Variants in UTRN observed in about 807,000 individuals in gnomAD.
UTRN encodes the protein dystrophin-related protein 1.
A neutral mutation model predicts 463.9 loss-of-function variants in UTRN; 283 were observed. The ratio of observed to expected loss-of-function variants is 0.61; its 90% confidence interval spans 0.55 to 0.67. UTRN has a LOEUF of 0.67. Among genes scored for constraint, UTRN ranks in the 30% least tolerant of loss-of-function variants. The pLI is 0.00. For missense variants in UTRN, 3,922 were observed against 4,084.3 expected, an observed-to-expected ratio of 0.96 and a Z score of 1.08; for synonymous variants, 1,442 against 1,431.5, an observed-to-expected ratio of 1.01 and a Z score of -0.17.
At position 144,836,439 on chromosome 6, in the gene UTRN, C is replaced by T; in HGVS notation, c.9963C>T (p.Leu3321=). 1.2e-6 allele frequency: 2 copies of T among 1,612,976 alleles called. No individual in the cohort carries two copies. Among genetic ancestry groups the T allele is most frequent in the Non-Finnish European group, 1.7e-6 (2 of 1,179,336 alleles). The change falls in exon 71 of 75, where the codon CTC becomes CTT. Residue 3321 remains leucine (L), a synonymous_variant. Coordinates refer to ENST00000367545, the MANE Select transcript of UTRN (RefSeq NM_007124.3). ...AACTTATAGCAGAAGCAAAACTCCTCAGGCAGCACAAAGGTCGGCTGGAGG... is the reference window on the plus strand; with the variant it reads ...AACTTATAGCAGAAGCAAAACTCCTTAGGCAGCACAAAGGTCGGCTGGAGG... ...DSELIAEAKL[L]RQHKGRLEAR... is the part of the protein sequence containing the mutation.
chr6:144,540,961 C>T lies in UTRN; in HGVS notation c.6519+1518C>T, dbSNP rs907103740. ...TTTTCTTAGGTCAAAAAATATCATA[C>T]ATTTGACTGCTTCTTACAACCCCCA... On this transcript the variant is annotated intron_variant, in intron 45 of 74. Transcript: ENST00000367545. Among the ~76,000 whole-genome samples the T allele has an allele frequency of 2.6e-5, 4 of 152,188 alleles. No homozygotes were observed. The East Asian group carries it at 7.7e-4, about 29-fold the overall frequency.
intron 2 of UTRN, among the ~76,000 whole-genome samples, chr6:144,310,614 A>C (rs1806167157): frequency 6.9e-6 from 1 of 145,498 alleles, no homozygotes; most frequent in Admixed American, 6.9e-5. Context: ...AGGTGGGGAG[A>C]CAGGGATCAC....
chr6:144,333,267 G>A (rs1038293220), intron 2 of UTRN: 5 of 152,078 alleles, frequency 3.3e-5, no homozygotes, highest in African/African-American at 1.2e-4. Flanking sequence ...ATTCAATACA[G>A]TCTTCCCATA....
intron 53 of UTRN, chr6:144,708,520 G>A: frequency 2.6e-6 from 1 of 391,866 alleles, no homozygotes; most frequent in Non-Finnish European, 4.8e-6. Flanking sequence ...AGAGGTCCTG[G>A]TATAGAAAAA....
intron 58 of UTRN, among the ~76,000 whole-genome samples, chr6:144,763,351 G>A (rs996408879): frequency 6.6e-6 from 1 of 151,768 alleles, no homozygotes; most frequent in Non-Finnish European, 1.5e-5. Flanking sequence ...TTCCATTCTT[G>A]TGCCCATTAT....
intron 51 of UTRN, among the ~76,000 whole-genome samples, chr6:144,629,650 T>C (rs374319517): frequency 1.3e-5 from 2 of 152,362 alleles, no homozygotes; most frequent in East Asian, 1.9e-4. Context: ...TTAAGCATTG[T>C]TGGATTGTTC....
At position 144,429,778 on chromosome 6, in the gene UTRN, G is replaced by A. The variant is rs143859195; in HGVS notation, c.855+37G>A. 1.2e-3 allele frequency: 1,839 copies of A among 1,590,912 alleles called. 9 individuals carry two copies. In the East Asian group the frequency reaches 0.014, roughly 12 times the overall value. ...ATTTTATTAAGATGTTTGGCTTGCC[G>A]TATTTGTTTTCTCCTAGGTACTAGA... is the stretch of plus-strand genomic sequence containing the variant. On this transcript the variant is annotated intron_variant, in intron 9 of 74. Coordinates refer to ENST00000367545, the MANE Select transcript of UTRN (RefSeq NM_007124.3).
At chr6:144,734,426 C>A (rs77366776) in intron 54 of UTRN, among the ~76,000 whole-genome samples, 3,735 of 152,244 alleles carry the variant, frequency 0.025, 148 homozygotes, top group African/African-American at 0.084. Flanking sequence ...AATGAGCACT[C>A]AACATTTACG....
chr6:144,560,450 C>A (rs901727372), intron 50 of UTRN, among the ~76,000 whole-genome samples: 5 of 152,072 alleles, frequency 3.3e-5, no homozygotes, highest in Non-Finnish European at 7.4e-5. Context: ...CACTCCAGTA[C>A]GTGGCCATCA....
intron 53 of UTRN, among the ~76,000 whole-genome samples, chr6:144,724,886 C>G (rs748143081): frequency 6.6e-6 from 1 of 152,126 alleles, no homozygotes; most frequent in African/African-American, 2.4e-5. Flanking sequence ...ATGAATAAGG[C>G]TACTATAAAC....
intron 51 of UTRN, among the ~76,000 whole-genome samples, chr6:144,633,579 A>G (rs773241459): frequency 6.6e-6 from 1 of 152,206 alleles, no homozygotes; most frequent in Non-Finnish European, 1.5e-5. Context: ...GAAGTGTGGC[A>G]TTGAATGATG....
intron 49 of UTRN, among the ~76,000 whole-genome samples, chr6:144,556,513 A>G (rs1799398600): frequency 6.6e-6 from 1 of 152,198 alleles, no homozygotes; most frequent in Non-Finnish European, 1.5e-5. Flanking sequence ...AATCTTCCCA[A>G]TTGCTACAAA....
At chr6:144,658,528 T>G (rs1205148985) in intron 51 of UTRN, among the ~76,000 whole-genome samples, 1 of 147,494 alleles carries the variant, frequency 6.8e-6, no homozygotes, top group Non-Finnish European at 1.5e-5. Context: ...ATGCATATTC[T>G]GATTTTAGGG....
rs9497054 is a variant in UTRN, at chr6:144,709,054, A to C, written c.7809+8811A>C. On this transcript the variant is annotated intron_variant, in intron 53 of 74. Coordinates refer to ENST00000367545, the MANE Select transcript of UTRN (RefSeq NM_007124.3). ...CATGAAGGTCAAACCCTCATGACCT[A>C]ATCACCGCTTAAAGGCTGCTCCTCT... is the stretch of plus-strand genomic sequence containing the variant. 6.4e-3 allele frequency among the ~76,000 whole-genome samples: 973 copies of C among 152,262 alleles called. 5 individuals are homozygous for C. Among genetic ancestry groups the C allele is most frequent in the African/African-American group, 0.022 (917 of 41,550 alleles).
chr6:144,354,307 C>T (rs1456777006), intron 2 of UTRN, among the ~76,000 whole-genome samples: 9 of 152,186 alleles, frequency 5.9e-5, no homozygotes, highest in South Asian at 2.1e-4. Flanking sequence ...CTGCCCCCTG[C>T]GTCAGTAGGA....
intron 2 of UTRN, among the ~76,000 whole-genome samples, chr6:144,327,794 A>G (rs1464443591): frequency 6.6e-6 from 1 of 152,026 alleles, no homozygotes; most frequent in Non-Finnish European, 1.5e-5. Flanking sequence ...AATAACAAAA[A>G]TTAGCTGGGC....
chr6:144,476,250 G>T (rs182736398), intron 25 of UTRN, among the ~76,000 whole-genome samples: 1 of 151,032 alleles, frequency 6.6e-6, no homozygotes, highest in Non-Finnish European at 1.5e-5. Context: ...CATTGCACTC[G>T]GCCTCTCTCT....
chr6:144,358,916 A>G (rs1420091943), intron 2 of UTRN, among the ~76,000 whole-genome samples: 1 of 152,190 alleles, frequency 6.6e-6, no homozygotes, highest in Non-Finnish European at 1.5e-5. Context: ...AAATAATTGG[A>G]ATTATGTAAT....
intron 51 of UTRN, among the ~76,000 whole-genome samples, chr6:144,668,073 G>A (rs1444284500): frequency 6.6e-6 from 1 of 152,162 alleles, no homozygotes; most frequent in Non-Finnish European, 1.5e-5. Flanking sequence ...CATAAATCTT[G>A]CAGGAGCTGT....
Sources: gnomAD v4.1 joint callset for allele counts (sites outside exome capture counted in the v4.1 genomes callset) on GRCh38, gnomAD v4.1.1 for gene constraint, MANE v1.5 for transcripts, NCBI Gene and HGNC (gene_info 2026-07-23, HGNC 2026-07-21) for gene names.